KDM4C: variants seen among roughly 807,000 people sequenced by gnomAD.
The protein encoded by KDM4C is lysine-specific demethylase 4C.
Under a neutral mutation model 129.3 loss-of-function variants are expected in KDM4C, and 81 were observed. That is an observed-to-expected ratio of 0.63 (90% confidence interval 0.52 to 0.75). The LOEUF (loss-of-function observed/expected upper bound fraction) is 0.75. Among genes scored for constraint, KDM4C ranks in the 30% least tolerant of loss-of-function variants. The probability of loss-of-function intolerance (pLI) is 0.00; values close to 1 mark genes in which losing one functional copy is unlikely to be tolerated. For synonymous variants in KDM4C, 573 were observed against 456.1 expected (o/e 1.26, Z -3.26); for missense variants, 1,457 against 1,304.0 (o/e 1.12, Z -1.81).
At chr9:7,140,439 A>G (rs958425021) in intron 19 of KDM4C, among the ~76,000 whole-genome samples, 1 of 152,182 alleles carries the variant, frequency 6.6e-6, no homozygotes, top group East Asian at 1.9e-4. Flanking sequence ...GGAGAAATCT[A>G]ATGAGGATGA....
At chr9:6,743,117 C>G (rs183593840) in intron 1 of KDM4C, among the ~76,000 whole-genome samples, 3 of 152,208 alleles carry the variant, frequency 2.0e-5, no homozygotes, top group South Asian at 2.1e-4. Flanking sequence ...ATGCTGCTGA[C>G]AAAGGATTAC....
intron 19 of KDM4C, among the ~76,000 whole-genome samples, chr9:7,154,199 T>C (rs1380017843): frequency 6.6e-6 from 1 of 152,232 alleles, no homozygotes; most frequent in Non-Finnish European, 1.5e-5. Flanking sequence ...AGATAGCCAC[T>C]ATGATACTTA....
chr9:6,760,133 G>A (rs1728257550), intron 1 of KDM4C, among the ~76,000 whole-genome samples: 1 of 151,732 alleles, frequency 6.6e-6, no homozygotes, highest in African/African-American at 2.4e-5. Context: ...CTGTCCCTAG[G>A]CAACCACTAA....
chr9:6,895,436 C>G (rs1376071027), intron 8 of KDM4C, among the ~76,000 whole-genome samples: 1 of 152,222 alleles, frequency 6.6e-6, no homozygotes, highest in East Asian at 1.9e-4. Flanking sequence ...CTCTAGTCCT[C>G]CTGTGTAGTT....
At chr9:7,068,686 C>CTTTTTT (rs542039227) in intron 17 of KDM4C, among the ~76,000 whole-genome samples, 2 of 101,764 alleles carry the variant, frequency 2.0e-5, no homozygotes, top group African/African-American at 7.7e-5. Context: ...GATGCCCTTT[C>CTTTTTT]TTTTTTTTTT....
At chr9:7,117,626 T>TAC (rs71315578) in intron 18 of KDM4C, among the ~76,000 whole-genome samples, 5,805 of 146,952 alleles carry the variant, frequency 0.04, 140 homozygotes, top group South Asian at 0.097. Context: ...TGTTAATTTC[T>TAC]ACACACACAC....
intron 8 of KDM4C, chr9:6,924,613 C>A: frequency 3.1e-6 from 1 of 321,578 alleles, no homozygotes; most frequent in Non-Finnish European, 4.5e-6. Context: ...ACCTTGCCCA[C>A]GCCAATTCAG....
At position 7,032,180 on chromosome 9, in the gene KDM4C, C is replaced by T. The variant is rs187382733; in HGVS notation, c.2260-14682C>T. Among the ~76,000 whole-genome samples the T allele has an allele frequency of 1.6e-4, 25 of 152,258 alleles. No homozygotes were observed. In the East Asian group the frequency reaches 4.1e-3, roughly 25 times the overall value. ...TCCCAACACTGTTTGAAGCTGAGTC[C>T]AATAAATTGAGCGTAATTCCTGTAG... On this transcript the variant is annotated intron_variant, in intron 15 of 21. Coordinates refer to ENST00000381309, the MANE Select transcript of KDM4C (RefSeq NM_015061.6).
At chr9:6,868,315 A>C (rs560477234) in intron 5 of KDM4C, among the ~76,000 whole-genome samples, 4 of 152,142 alleles carry the variant, frequency 2.6e-5, no homozygotes, top group Non-Finnish European at 5.9e-5. Context: ...ACTTGAGGAA[A>C]ATATCCTCAC....
chr9:7,100,284 TTAAC>T (rs1313681363), intron 17 of KDM4C, among the ~76,000 whole-genome samples: 1 of 152,212 alleles, frequency 6.6e-6, no homozygotes, highest in East Asian at 1.9e-4. Context: ...ACAGAAAACA[TTAAC>T]TAGCCTACCT....
At chr9:7,141,899 G>A (rs773873383) in intron 19 of KDM4C, among the ~76,000 whole-genome samples, 6 of 151,842 alleles carry the variant, frequency 4.0e-5, no homozygotes, top group Non-Finnish European at 5.9e-5. Flanking sequence ...TAGAAGTGAC[G>A]TGACCAGGCA....
At chr9:7,021,614 T>G (rs1194210688) in intron 15 of KDM4C, among the ~76,000 whole-genome samples, 1 of 152,250 alleles carries the variant, frequency 6.6e-6, no homozygotes, top group Non-Finnish European at 1.5e-5. Context: ...CTGTGGGTTG[T>G]CTCTTCACTG....
intron 6 of KDM4C, among the ~76,000 whole-genome samples, chr9:6,882,345 A>G (rs912675446): frequency 1.3e-5 from 2 of 152,226 alleles, no homozygotes; most frequent in African/African-American, 4.8e-5. Context: ...GAAGATTTTC[A>G]GTTTTTAAAA....
At chr9:7,013,005 C>G (rs1822976918) in intron 13 of KDM4C, among the ~76,000 whole-genome samples, 1 of 151,996 alleles carries the variant, frequency 6.6e-6, no homozygotes, top group African/African-American at 2.4e-5. Flanking sequence ...TAATGTGGCA[C>G]TGGTGAGTGA....
At chr9:6,971,579 A>C (rs997452512) in intron 8 of KDM4C, among the ~76,000 whole-genome samples, 1 of 152,180 alleles carries the variant, frequency 6.6e-6, no homozygotes, top group African/African-American at 2.4e-5. Flanking sequence ...ATGATTCTAC[A>C]TTTTATTTGA....
At chr9:6,752,610 A>G (rs1037745060) in intron 1 of KDM4C, among the ~76,000 whole-genome samples, 1 of 151,604 alleles carries the variant, frequency 6.6e-6, no homozygotes, top group Non-Finnish European at 1.5e-5. Flanking sequence ...GAGTTTCACC[A>G]TGTTGGTTAG....
chr9:7,100,641 A>G (rs1319951941), intron 17 of KDM4C, among the ~76,000 whole-genome samples: 1 of 152,190 alleles, frequency 6.6e-6, no homozygotes, highest in Non-Finnish European at 1.5e-5. Flanking sequence ...CTCTCAGCCT[A>G]AAGATCTTTA....
intron 17 of KDM4C, among the ~76,000 whole-genome samples, chr9:7,052,949 G>A (rs1006000036): frequency 2.2e-5 from 2 of 91,960 alleles, no homozygotes; most frequent in African/African-American, 1.1e-4. Flanking sequence ...AGTACTGCTC[G>A]TGATGCATTC....
chr9:6,926,124 G>C (rs894574238), intron 8 of KDM4C, among the ~76,000 whole-genome samples: 1 of 152,038 alleles, frequency 6.6e-6, no homozygotes, highest in Non-Finnish European at 1.5e-5. Flanking sequence ...TGGTTCTTTC[G>C]TGGACCGGGT....
Sources: allele counts gnomAD v4.1 joint callset (sites outside exome capture counted in the v4.1 genomes callset), GRCh38; gene constraint gnomAD v4.1.1; transcripts MANE v1.5; gene names NCBI Gene and HGNC (gene_info 2026-07-23, HGNC 2026-07-21).